Variants in ADGRB3 observed in about 807,000 individuals in gnomAD.
ADGRB3 encodes the protein brain-specific angiogenesis inhibitor 3.
Under a neutral mutation model 193.4 loss-of-function variants are expected in ADGRB3, and 37 were observed. The ratio of observed to expected loss-of-function variants is 0.19; its 90% confidence interval spans 0.15 to 0.25. ADGRB3 has a LOEUF of 0.25. ADGRB3 is among the 10% of genes least tolerant of loss of function. The probability of loss-of-function intolerance (pLI) is 1.00; values close to 1 mark genes in which losing one functional copy is unlikely to be tolerated. For missense variants in ADGRB3, 1,637 were observed against 1,852.9 expected (o/e 0.88, Z 2.14); for synonymous variants, 690 against 644.2 (o/e 1.07, Z -1.08).
chr6:69,138,766 G>A (rs1210623521), intron 17 of ADGRB3, among the ~76,000 whole-genome samples: 5 of 152,018 alleles, frequency 3.3e-5, no homozygotes, highest in East Asian at 1.9e-4. Context: ...TCATTGTAAC[G>A]CTGCCGTTGA....
chr6:68,703,623 T>G (rs559085492), intron 3 of ADGRB3, among the ~76,000 whole-genome samples: 152 of 152,254 alleles, frequency 1.0e-3, no homozygotes, highest in Admixed American at 1.0e-3. Context: ...TTAAGATTTT[T>G]TTTGTTTGTT....
chr6:68,982,224 A>G (rs1768938895), intron 10 of ADGRB3, among the ~76,000 whole-genome samples: 1 of 152,054 alleles, frequency 6.6e-6, no homozygotes, highest in African/African-American at 2.4e-5. Flanking sequence ...TCTCCTGGCC[A>G]CTTTTCATAT....
At chr6:69,212,295 A>G (rs1582549338) in intron 17 of ADGRB3, among the ~76,000 whole-genome samples, 1 of 152,270 alleles carries the variant, frequency 6.6e-6, no homozygotes, top group Non-Finnish European at 1.5e-5. Flanking sequence ...ACAGAACTAC[A>G]TTTTAAAAAA....
intron 10 of ADGRB3, among the ~76,000 whole-genome samples, chr6:68,978,071 A>C (rs1302808120): frequency 2.0e-5 from 3 of 151,686 alleles, no homozygotes; most frequent in South Asian, 2.1e-4. Context: ...AATTGGTTCC[A>C]TCATCTTAGC....
At chr6:69,049,410 A>C in intron 15 of ADGRB3, 64 bp downstream of exon 15, 2 of 1,203,984 alleles carry the variant, frequency 1.7e-6, no homozygotes, top group Non-Finnish European at 2.4e-6. Flanking sequence ...ATTATAGCTC[A>C]TTCTATAAAA....
intron 13 of ADGRB3, among the ~76,000 whole-genome samples, chr6:69,031,218 A>C (rs529085589): frequency 6.6e-6 from 1 of 150,788 alleles, no homozygotes; most frequent in African/African-American, 2.4e-5. Context: ...AGGCGGGCGG[A>C]TCATGAGGTC....
intron 17 of ADGRB3, among the ~76,000 whole-genome samples, chr6:69,150,606 G>A (rs1774645895): frequency 6.6e-6 from 1 of 152,190 alleles, no homozygotes; most frequent in African/African-American, 2.4e-5. Flanking sequence ...CTGCCCAATT[G>A]TGGCTGAGAT....
Position 68,775,781 on chromosome 6 carries a change from TCTC to T in ADGRB3, c.757+136355_757+136357del, listed in dbSNP as rs894906044. Among the ~76,000 whole-genome samples, 5 of 152,240 alleles carry T rather than the reference TCTC, an allele frequency of 3.3e-5. 1 individual carries two copies. The highest frequency in any genetic ancestry group is 1.2e-4 in the African/African-American group (5 of 41,552). ...CCTAGCCATGAGAAATTTCCCCTCT[TCTC>T]CTCCTTAATTCATTTTGAATCCAGG... is the stretch of plus-strand genomic sequence containing the variant. On this transcript the variant is annotated intron_variant, in intron 3 of 31. Transcript: ENST00000370598.
chr6:69,378,083 G>A (rs1019894534), intron 30 of ADGRB3, among the ~76,000 whole-genome samples: 86 of 152,058 alleles, frequency 5.7e-4, no homozygotes, highest in African/African-American at 2.0e-3. Flanking sequence ...AGCACCTGCT[G>A]AATGCCAGAT....
Position 69,048,315 on chromosome 6 carries a change from C to A in ADGRB3, c.2238C>A (p.Phe746Leu). 1 of 1,613,430 alleles carries A rather than the reference C, an allele frequency of 6.2e-7. No individual in the cohort carries two copies. The highest frequency in any genetic ancestry group is 8.5e-7 in the Non-Finnish European group (1 of 1,179,630). ...EDRVVIPKSIFTPVSSKELDE... is the reference protein window; with the variant it reads ...EDRVVIPKSILTPVSSKELDE... The stretch of plus-strand genomic sequence containing the variant: ...GGGTAGTAATTCCAAAAAGCATTTT[C>A]ACTCCGGTGTCATCAAAAGGTAAAT... Residue 746 changes from phenylalanine to leucine, a missense_variant, in exon 14 of 32, where the codon TTC (phenylalanine) becomes TTA (leucine). Coordinates refer to ENST00000370598, the MANE Select transcript of ADGRB3 (RefSeq NM_001704.3).
chr6:68,666,317 C>T (rs1208368992), intron 3 of ADGRB3, among the ~76,000 whole-genome samples: 12 of 151,874 alleles, frequency 7.9e-5, no homozygotes, highest in African/African-American at 2.7e-4. Context: ...TGTGTGACCA[C>T]GGAAGGAATT....
chr6:68,880,546 A>C (rs1298074738), intron 3 of ADGRB3, among the ~76,000 whole-genome samples: 1 of 152,152 alleles, frequency 6.6e-6, no homozygotes, highest in Admixed American at 6.5e-5. Flanking sequence ...AGCTTGCTGG[A>C]TGTGCTGTGA....
rs1354622698 is a variant in ADGRB3 at position 68,772,885 on chromosome 6, A to C, written c.757+133453A>C. 3.7e-3 allele frequency among the ~76,000 whole-genome samples: 157 copies of C among 42,882 alleles called. 2 individuals are homozygous for C. The highest frequency in any genetic ancestry group is 0.016 in the African/African-American group (143 of 8,936). 28.1% of individuals were successfully genotyped at this position (42,882 alleles called of 152,430 possible). A position where few individuals can be genotyped will look rare whatever the true frequency, so the allele number is the denominator to read the frequency against. On this transcript the variant is annotated intron_variant, in intron 3 of 31. Coordinates refer to ENST00000370598, the MANE Select transcript of ADGRB3 (RefSeq NM_001704.3). Reference sequence around the variant, plus strand: ...AACAAACAAACAAACAAACAAACAAAAAAAAAAAAATATATATATATATAT... The same window carrying C: ...AACAAACAAACAAACAAACAAACAACAAAAAAAAAATATATATATATATAT...
chr6:68,956,928 G>T, intron 8 of ADGRB3, 119 bp downstream of exon 8: 1 of 1,143,516 alleles, frequency 8.7e-7, no homozygotes, highest in South Asian at 1.6e-5. Context: ...ACTAATGATA[G>T]GTGGCAATTT....
rs376736924 is a variant in ADGRB3 at position 69,361,434 on chromosome 6, C to A, written c.4161C>A (p.Phe1387Leu). The A allele has an allele frequency of 3.1e-6, 5 of 1,612,802 alleles. No homozygotes were observed. Among genetic ancestry groups the A allele is most frequent in the Non-Finnish European group, 4.2e-6 (5 of 1,179,230 alleles). Reference sequence around the variant, plus strand: ...AACCTCGCACAGCTGTGAAGAATTTCATGGCCTCTGAGTTGGATGATAATG... The same window carrying A: ...AACCTCGCACAGCTGTGAAGAATTTAATGGCCTCTGAGTTGGATGATAATG... ...PFEPRTAVKNFMASELDDNAG... is the reference protein window; with the variant it reads ...PFEPRTAVKNLMASELDDNAG... The change falls in exon 29 of 32, where the codon TTC (phenylalanine) becomes TTA (leucine). Residue 1387 changes from phenylalanine to leucine, a missense_variant. Phe to Leu is a conservative substitution (Grantham distance 22). Around this residue, in one of 7 missense-constraint regions of ADGRB3, gnomAD observed 368 missense variants for 367.4 expected, o/e 1.00. Coordinates refer to ENST00000370598, the MANE Select transcript of ADGRB3 (RefSeq NM_001704.3).
intron 3 of ADGRB3, among the ~76,000 whole-genome samples, chr6:68,696,556 G>A (rs911193957): frequency 6.6e-6 from 1 of 151,610 alleles, no homozygotes. Flanking sequence ...TGACATGGAG[G>A]AAAATGTTCC....
chr6:68,737,479 T>C (rs754685989), intron 3 of ADGRB3, among the ~76,000 whole-genome samples: 1 of 152,162 alleles, frequency 6.6e-6, no homozygotes, highest in Non-Finnish European at 1.5e-5. Context: ...TCCTTTGAGC[T>C]GGAATCAGAA....
At position 69,361,076 on chromosome 6, in the gene ADGRB3, C is replaced by A; in HGVS notation, c.3803C>A (p.Pro1268Gln). The change falls in exon 29 of 32, where the codon CCA (proline) becomes CAA (glutamine). Residue 1268 changes from proline (P) to glutamine (Q), a missense_variant. Transcript: ENST00000370598. ...ATGAGTATGAATGAGCTTAGCAATCCATGTTTGAAAAAAGAAAATAGTGAA... is the reference window on the plus strand; with the variant it reads ...ATGAGTATGAATGAGCTTAGCAATCAATGTTTGAAAAAAGAAAATAGTGAA... Reference protein sequence around the residue: ...MPMSMNELSNPCLKKENSELR... With the variant: ...MPMSMNELSNQCLKKENSELR... The A allele has an allele frequency of 3.1e-6, 5 of 1,612,694 alleles. No individual in the cohort carries two copies. The highest frequency in any genetic ancestry group is 4.2e-6 in the Non-Finnish European group (5 of 1,179,186).
chr6:69,174,571 T>C (rs1231975408), intron 17 of ADGRB3, among the ~76,000 whole-genome samples: 1 of 152,360 alleles, frequency 6.6e-6, no homozygotes, highest in Non-Finnish European at 1.5e-5. Flanking sequence ...TAAGTTCATG[T>C]GTCTTTTTGG....
Sources: allele counts gnomAD v4.1 joint callset (sites outside exome capture counted in the v4.1 genomes callset), GRCh38; gene constraint gnomAD v4.1.1; regional missense constraint gnomAD v4.1.1; transcripts MANE v1.5; gene names NCBI Gene and HGNC (gene_info 2026-07-23, HGNC 2026-07-21).